Variants in SOCS6 observed in about 807,000 individuals in gnomAD.
The protein encoded by SOCS6 is suppressor of cytokine signaling 6.
A neutral mutation model predicts 27.7 loss-of-function variants in SOCS6; 5 were observed. The ratio of observed to expected loss-of-function variants is 0.18; its 90% CI spans 0.09 to 0.38. The LOEUF is 0.38. Ranked by LOEUF, SOCS6 falls within the 10% of genes least tolerant of loss-of-function variation. The probability of loss-of-function intolerance (pLI) is 1.00; values close to 1 mark genes in which losing one functional copy is unlikely to be tolerated. For missense variants in SOCS6, 595 were observed against 688.1 expected (o/e 0.86, Z 1.51); for synonymous variants, 271 against 260.0 (o/e 1.04, Z -0.41).
intron 1 of SOCS6, among the ~76,000 whole-genome samples, chr18:70,317,472 AC>A (rs2062416444): frequency 7.3e-6 from 1 of 137,506 alleles, no homozygotes; most frequent in African/African-American, 3.4e-5. Context: ...ACATATATAC[AC>A]ATATATACAT....
chr18:70,302,754 A>G (rs569769022), intron 1 of SOCS6, among the ~76,000 whole-genome samples: 73 of 148,066 alleles, frequency 4.9e-4, no homozygotes, highest in Non-Finnish European at 9.8e-4. Flanking sequence ...CTAACTGTAT[A>G]TATATATACA....
chr18:70,307,064 A>G (rs2062372507), intron 1 of SOCS6, among the ~76,000 whole-genome samples: 1 of 152,188 alleles, frequency 6.6e-6, no homozygotes. Flanking sequence ...GGAGTTCTAG[A>G]CAAGCTTGGG....
At chr18:70,306,559 C>G (rs1433657454) in intron 1 of SOCS6, among the ~76,000 whole-genome samples, 1 of 150,826 alleles carries the variant, frequency 6.6e-6, no homozygotes, top group Non-Finnish European at 1.5e-5. Flanking sequence ...TTATTTCTTC[C>G]TTTCCAATTT....
At position 70,328,372 on chromosome 18, in the gene SOCS6, A is replaced by G. The variant is rs1255440507; in HGVS notation, c.*2096A>G. The G allele has an allele frequency of 6.0e-6, 1 of 166,618 alleles. No homozygotes were observed. The highest frequency in any genetic ancestry group is 2.4e-5 in the African/African-American group (1 of 41,414). The allele number at this position is 166,618 out of a possible 1,614,324, so 10.3% of individuals were successfully genotyped here. ...AGCATTTACATGTCCTCCTTGTGAG[A>G]TCATGGTGCACAGAGGTCTTTGGAC... On this transcript the variant is annotated 3_prime_UTR_variant, in exon 2 of 2. Transcript: ENST00000397942.
At chr18:70,300,440 T>C (rs1331989353) in intron 1 of SOCS6, among the ~76,000 whole-genome samples, 1 of 152,162 alleles carries the variant, frequency 6.6e-6, no homozygotes, top group African/African-American at 2.4e-5. Context: ...CATTAATCAA[T>C]TCTTATAAGC....
intron 1 of SOCS6, among the ~76,000 whole-genome samples, chr18:70,319,854 A>C (rs527639106): frequency 6.6e-6 from 1 of 152,130 alleles, no homozygotes; most frequent in Non-Finnish European, 1.5e-5. Context: ...TGAAATAACC[A>C]CTTTTACTAA....
intron 1 of SOCS6, among the ~76,000 whole-genome samples, chr18:70,305,916 G>T (rs1461488326): frequency 6.6e-6 from 1 of 151,920 alleles, no homozygotes; most frequent in African/African-American, 2.4e-5. Flanking sequence ...TGTGTTGTGT[G>T]AGTTCCTTGG....
chr18:70,304,744 ATCTT>A (rs1007422881), intron 1 of SOCS6, among the ~76,000 whole-genome samples: 6 of 152,168 alleles, frequency 3.9e-5, no homozygotes, highest in Non-Finnish European at 7.4e-5. Context: ...CCTGTGGCTT[ATCTT>A]TCTTTTAATG....
chr18:70,316,311 G>A (rs765872551), intron 1 of SOCS6, among the ~76,000 whole-genome samples: 17 of 151,912 alleles, frequency 1.1e-4, no homozygotes, highest in Non-Finnish European at 2.5e-4. Flanking sequence ...AGTTCTCTCT[G>A]ACTTTTAAAA....
At chr18:70,294,521 T>C (rs2146259739) in intron 1 of SOCS6, among the ~76,000 whole-genome samples, 1 of 152,324 alleles carries the variant, frequency 6.6e-6, no homozygotes, top group South Asian at 2.1e-4. Context: ...ATTTAAAACA[T>C]AATCTGACTA....
At chr18:70,291,742 G>A (rs2062300404) in intron 1 of SOCS6, among the ~76,000 whole-genome samples, 1 of 152,086 alleles carries the variant, frequency 6.6e-6, no homozygotes, top group South Asian at 2.1e-4. Context: ...ATGCACTCGT[G>A]ACCTCTTCCA....
chr18:70,320,943 T>C (rs1910962935), intron 1 of SOCS6, among the ~76,000 whole-genome samples: 1 of 152,188 alleles, frequency 6.6e-6, no homozygotes, highest in Non-Finnish European at 1.5e-5. Flanking sequence ...AAAATGTTAT[T>C]TATGTTAACA....
Position 70,325,502 on chromosome 18 carries a change from G to T in SOCS6, c.834G>T (p.Glu278Asp). The T allele has an allele frequency of 6.2e-7, 1 of 1,614,142 alleles. No homozygotes were observed. The highest frequency in any genetic ancestry group is 8.5e-7 in the Non-Finnish European group (1 of 1,180,028). The stretch of plus-strand genomic sequence containing the variant: ...ACCAGGACCTAGTTGTCGCCCCAGA[G>T]ATCTTCGTGGATCAGTCCGTGAATG... Reference protein sequence around the residue: ...QVDQDLVVAPEIFVDQSVNGL... With the variant: ...QVDQDLVVAPDIFVDQSVNGL... The change falls in exon 2 of 2, where the codon GAG (glutamate) becomes GAT (aspartate). Residue 278 changes from glutamate to aspartate, a missense_variant. Physicochemically the swap from Glu to Asp is conservative, Grantham distance 45 (BLOSUM62 2). Transcript: ENST00000397942. The surrounding 1 kb of genome is among the most constrained non-coding windows in gnomAD (Gnocchi z 6.3).
intron 1 of SOCS6, among the ~76,000 whole-genome samples, chr18:70,320,524 T>A (rs1181885202): frequency 1.3e-5 from 2 of 152,206 alleles, no homozygotes; most frequent in Non-Finnish European, 2.9e-5. Context: ...CAGTCGATAG[T>A]CATCTGAAGA....
chr18:70,289,549 G>A (rs1045181823), intron 1 of SOCS6, among the ~76,000 whole-genome samples: 1 of 147,196 alleles, frequency 6.8e-6, no homozygotes, highest in Non-Finnish European at 1.5e-5. Context: ...CGGGGCCTGC[G>A]CGGCTCTGCG....
At chr18:70,308,764 C>T (rs7238317) in intron 1 of SOCS6, among the ~76,000 whole-genome samples, 2,298 of 152,184 alleles carry the variant, frequency 0.015, 59 homozygotes, top group African/African-American at 0.052. Context: ...TATGTGTTTA[C>T]AATTGCTGTG....
intron 1 of SOCS6, among the ~76,000 whole-genome samples, chr18:70,301,399 G>A (rs905373957): frequency 4.6e-5 from 7 of 152,102 alleles, no homozygotes; most frequent in African/African-American, 1.7e-4. Flanking sequence ...ATGACATACT[G>A]GATGAGGAAT....
chr18:70,299,482 G>T (rs1198216620), intron 1 of SOCS6, among the ~76,000 whole-genome samples: 1 of 152,124 alleles, frequency 6.6e-6, no homozygotes, highest in African/African-American at 2.4e-5. Context: ...CAAGGTCCCC[G>T]AATCTTGTAG....
At chr18:70,316,521 A>G (rs17809666) in intron 1 of SOCS6, among the ~76,000 whole-genome samples, 6,504 of 152,102 alleles carry the variant, frequency 0.043, 182 homozygotes, top group Middle Eastern at 0.075. Context: ...GTTCCATTTT[A>G]TGTTCAAAGA....
Sources: gnomAD v4.1 joint callset for allele counts (sites outside exome capture counted in the v4.1 genomes callset) on GRCh38, gnomAD v4.1.1 for gene constraint, Gnocchi (gnomAD v3.1) non-coding constraint, MANE v1.5 for transcripts, NCBI Gene and HGNC (gene_info 2026-07-23, HGNC 2026-07-21) for gene names.